Variants in ENAH observed in about 807,000 individuals in gnomAD.
ENAH encodes ENAH actin regulator, also known as protein enabled homolog.
Under a neutral mutation model 78.7 loss-of-function variants are expected in ENAH, and 23 were observed. The ratio of observed to expected loss-of-function variants is 0.29; its 90% confidence interval spans 0.21 to 0.41. The LOEUF (loss-of-function observed/expected upper bound fraction) is 0.41. Among genes scored for constraint, ENAH ranks in the 10% least tolerant of loss-of-function variants. The pLI, the probability that ENAH is intolerant of heterozygous loss-of-function variation, is 1.00. For synonymous variants in ENAH, 226 were observed against 241.0 expected (o/e 0.94, Z 0.58); for missense variants, 544 against 691.0 (o/e 0.79, Z 2.39).
intron 3 of ENAH, among the ~76,000 whole-genome samples, chr1:225,552,337 A>C (rs1323651068): frequency 3.3e-5 from 5 of 151,676 alleles, no homozygotes; most frequent in African/African-American, 1.2e-4. Context: ...ACAGGGTTTC[A>C]CCATGTTAGC....
intron 1 of ENAH, among the ~76,000 whole-genome samples, chr1:225,641,079 G>T (rs1267202536): frequency 3.3e-5 from 5 of 151,314 alleles, no homozygotes; most frequent in African/African-American, 1.2e-4. Flanking sequence ...TAGCCAGGAT[G>T]GTCTCAATAT....
chr1:225,560,661 G>C (rs572356793), intron 2 of ENAH, among the ~76,000 whole-genome samples: 1 of 152,054 alleles, frequency 6.6e-6, no homozygotes, highest in African/African-American at 2.4e-5. Context: ...CCACCCTCCT[G>C]ATGTGGTTTT....
At chr1:225,574,919 A>AAAAAATAT (rs1177451807) in intron 1 of ENAH, among the ~76,000 whole-genome samples, 2 of 2,992 alleles carry the variant, frequency 6.7e-4, no homozygotes, top group African/African-American at 4.9e-3. Context: ...AAAAAAAAAA[A>AAAAAATAT]ATATATATAT....
intron 1 of ENAH, among the ~76,000 whole-genome samples, chr1:225,636,288 C>CTTTT (rs1450828500): frequency 2.0e-5 from 3 of 152,174 alleles, no homozygotes; most frequent in Non-Finnish European, 4.4e-5. Context: ...TCAGAAAAAA[C>CTTTT]TAACAGTCAA....
At chr1:225,537,637 A>C (rs910505508) in intron 3 of ENAH, among the ~76,000 whole-genome samples, 1 of 152,176 alleles carries the variant, frequency 6.6e-6, no homozygotes, top group Non-Finnish European at 1.5e-5. Context: ...TGTTTTCAGC[A>C]TACTTTTTAA....
At chr1:225,556,199 ACAAG>A (rs1329582155) in intron 2 of ENAH, among the ~76,000 whole-genome samples, 1 of 152,222 alleles carries the variant, frequency 6.6e-6, no homozygotes, top group African/African-American at 2.4e-5. Flanking sequence ...TTTGGTACAA[ACAAG>A]CATTCATTTT....
intron 1 of ENAH, among the ~76,000 whole-genome samples, chr1:225,644,555 C>T (rs1661617892): frequency 1.3e-5 from 2 of 152,158 alleles, no homozygotes; most frequent in Non-Finnish European, 2.9e-5. Context: ...CTTCACTGAA[C>T]TGTAAAAGGA....
chr1:225,642,998 T>A (rs1328554199), intron 1 of ENAH, among the ~76,000 whole-genome samples: 1 of 152,208 alleles, frequency 6.6e-6, no homozygotes, highest in Non-Finnish European at 1.5e-5. Context: ...GCTTATCTGG[T>A]AACGTGTATC....
chr1:225,642,948 T>C (rs994464394), intron 1 of ENAH, among the ~76,000 whole-genome samples: 7 of 152,362 alleles, frequency 4.6e-5, no homozygotes, highest in South Asian at 4.1e-4. Flanking sequence ...TGGCCTGAGC[T>C]GGCCAGAATG....
At chr1:225,525,305 A>G (rs1000132335) in intron 4 of ENAH, among the ~76,000 whole-genome samples, 2 of 152,198 alleles carry the variant, frequency 1.3e-5, no homozygotes, top group African/African-American at 2.4e-5. Context: ...CAATATTCAC[A>G]TATCACATAA....
intron 1 of ENAH, among the ~76,000 whole-genome samples, chr1:225,646,432 A>G (rs1661976298): frequency 6.6e-6 from 1 of 152,160 alleles, no homozygotes; most frequent in Non-Finnish European, 1.5e-5. Context: ...CACAGAGAGA[A>G]GGATATCTTC....
chr1:225,493,531 C>A lies in ENAH; in HGVS notation c.*4244G>T, dbSNP rs2096233673. ...TCAGTAATTTCAATATACTAGGATC[C>A]TTTTCTCATTCCTTAGAGCTTTGGA... On this transcript the variant is annotated 3_prime_UTR_variant, in exon 14 of 14. Transcript: ENST00000366843. 1 of 152,120 alleles carries A rather than the reference C, an allele frequency of 6.6e-6. No individual in the cohort carries two copies. Among genetic ancestry groups the A allele is most frequent in the Admixed American group, 6.5e-5 (1 of 15,274 alleles). 9.4% of individuals were successfully genotyped at this position (152,120 alleles called of 1,614,324 possible).
rs2096895287 is a variant in ENAH at position 225,594,976 on chromosome 1, T to C, written c.6-27562A>G. Among the ~76,000 whole-genome samples, 6 of 152,190 alleles carry C rather than the reference T, an allele frequency of 3.9e-5. No homozygotes were observed. The South Asian group carries it at 1.2e-3, about 32-fold the overall frequency. On this transcript the variant is annotated intron_variant, in intron 1 of 13. Coordinates refer to ENST00000366843, the MANE Select transcript of ENAH (RefSeq NM_018212.6). ...AGTATCAGAGCTATTTAATTGTAGC[T>C]TGGGAGCAACTCAATCTTAACACTA...
intron 5 of ENAH, 82 bp from the exon 6 acceptor site, chr1:225,517,388 A>C: frequency 6.4e-7 from 1 of 1,551,766 alleles, no homozygotes; most frequent in Non-Finnish European, 8.7e-7. Flanking sequence ...GAAGCTTGAG[A>C]TCCACAGTGT....
chr1:225,546,441 G>A (rs1164705147), intron 3 of ENAH, among the ~76,000 whole-genome samples: 1 of 152,172 alleles, frequency 6.6e-6, no homozygotes, highest in African/African-American at 2.4e-5. Context: ...CAAAACAGAA[G>A]CATAAAGAGA....
At chr1:225,638,182 C>T (rs1660395152) in intron 1 of ENAH, among the ~76,000 whole-genome samples, 1 of 152,070 alleles carries the variant, frequency 6.6e-6, no homozygotes, top group Non-Finnish European at 1.5e-5. Context: ...GAAGTCAATG[C>T]TGATTCTATT....
In ENAH at chr1:225,488,178, T is replaced by TATTA. The variant is rs1367215469; in HGVS notation, c.*9593_*9596dup. 7.3e-6 allele frequency: 1 copy of TATTA among 137,366 alleles called. No homozygotes were observed. The highest frequency in any genetic ancestry group is 1.6e-5 in the Non-Finnish European group (1 of 61,042). 8.5% of individuals were successfully genotyped at this position (137,366 alleles called of 1,614,324 possible). On this transcript the variant is annotated 3_prime_UTR_variant, in exon 14 of 14. Coordinates refer to ENST00000366843, the MANE Select transcript of ENAH (RefSeq NM_018212.6). Reference sequence around the variant, plus strand: ...CAAGGTTTTTATTTATTTATTTATTTATTATTTATTTATTTATTTTTTAAG... The same window carrying TATTA: ...CAAGGTTTTTATTTATTTATTTATTTATTAATTATTTATTTATTTATTTTTTAAG...
At chr1:225,558,337 G>T (rs773580392) in intron 2 of ENAH, among the ~76,000 whole-genome samples, 1 of 152,162 alleles carries the variant, frequency 6.6e-6, no homozygotes, top group African/African-American at 2.4e-5. Context: ...AACACCACCA[G>T]TAGAGCCAGC....
At chr1:225,499,782 GAATTAGTTT>G (rs1271441810) in intron 12 of ENAH, among the ~76,000 whole-genome samples, 1 of 152,202 alleles carries the variant, frequency 6.6e-6, no homozygotes, top group African/African-American at 2.4e-5. Flanking sequence ...TCCTTTGGAA[GAATTAGTTT>G]TGAATTGTGT....
Sources: gnomAD v4.1 joint callset for allele counts (sites outside exome capture counted in the v4.1 genomes callset) on GRCh38, gnomAD v4.1.1 for gene constraint, MANE v1.5 for transcripts, NCBI Gene and HGNC (gene_info 2026-07-23, HGNC 2026-07-21) for gene names.